Variants in IMPG1 observed in about 807,000 individuals in gnomAD.
IMPG1 encodes the protein interphotoreceptor matrix proteoglycan of 150 kDa.
In IMPG1, 85 loss-of-function variants were observed where a neutral mutation model predicts 92.0. The ratio of observed to expected loss-of-function variants is 0.92; its 90% CI spans 0.78 to 1.11. The LOEUF (loss-of-function observed/expected upper bound fraction) is 1.11, where lower values mean the gene tolerates loss of function less well. IMPG1 is among the 50% of genes least tolerant of loss of function. The pLI is 0.00. For missense variants in IMPG1, 1,022 were observed against 956.0 expected, an observed-to-expected ratio of 1.07 and a Z score of -0.91; for synonymous variants, 367 against 334.1, an observed-to-expected ratio of 1.10 and a Z score of -1.08.
chr6:76,045,718 G>A (rs927689876), intron 1 of IMPG1, among the ~76,000 whole-genome samples: 1 of 152,130 alleles, frequency 6.6e-6, no homozygotes, highest in Non-Finnish European at 1.5e-5. Context: ...AGTTGTTGGA[G>A]CTAATGAAAG....
intron 12 of IMPG1, among the ~76,000 whole-genome samples, chr6:75,989,443 T>C (rs12199203): frequency 0.028 from 4,294 of 152,286 alleles, 82 homozygotes; most frequent in Non-Finnish European, 0.042. Flanking sequence ...GACAAAATTA[T>C]TGCAAACTCT....
At chr6:75,930,904 G>T (rs1289919550) in intron 15 of IMPG1, 49 bp downstream of exon 15, 4 of 1,486,536 alleles carry the variant, frequency 2.7e-6, no homozygotes, top group Non-Finnish European at 2.8e-6. Context: ...TTTCTCAGAA[G>T]TGTAAGTAAT....
intron 12 of IMPG1, among the ~76,000 whole-genome samples, chr6:75,984,698 A>C (rs1782685127): frequency 6.6e-6 from 1 of 152,210 alleles, no homozygotes; most frequent in Non-Finnish European, 1.5e-5. Context: ...GTGAATCCCC[A>C]GTGTTGGAGT....
intron 12 of IMPG1, among the ~76,000 whole-genome samples, chr6:75,972,380 AC>A (rs1340933963): frequency 6.6e-6 from 1 of 151,994 alleles, no homozygotes; most frequent in East Asian, 1.9e-4. Flanking sequence ...TACCAAGAAC[AC>A]CCACGCCCAC....
chr6:76,039,774 G>A (rs1157197529), intron 2 of IMPG1, among the ~76,000 whole-genome samples: 1 of 152,168 alleles, frequency 6.6e-6, no homozygotes, highest in African/African-American at 2.4e-5. Flanking sequence ...ATTTGGCTGG[G>A]GCACAGAGTT....
intron 7 of IMPG1, among the ~76,000 whole-genome samples, chr6:76,012,914 C>T (rs569309094): frequency 3.3e-5 from 5 of 152,232 alleles, no homozygotes; most frequent in East Asian, 1.9e-4. Flanking sequence ...TTCTAGAAAG[C>T]GCAGCATCCC....
At chr6:76,014,477 C>T (rs750950270) in intron 7 of IMPG1, among the ~76,000 whole-genome samples, 5 of 152,144 alleles carry the variant, frequency 3.3e-5, no homozygotes, top group Admixed American at 1.3e-4. Flanking sequence ...CAAAGCTAGT[C>T]TTTATTCTGA....
rs1371835759 is a variant in IMPG1, at chr6:76,013,112, T to C, written c.808-1888A>G. 2.0e-5 allele frequency among the ~76,000 whole-genome samples: 3 copies of C among 152,196 alleles called. No individual in the cohort carries two copies. In the East Asian group the frequency reaches 5.8e-4, roughly 29 times the overall value. On this transcript the variant is annotated intron_variant, in intron 7 of 16. Transcript: ENST00000369950. ...GAGAAGAAATGGTTTTCTGGGTGTGTTGGGAGAGGAGGAAGGAGAAGGTAT... is the reference window on the plus strand; with the variant it reads ...GAGAAGAAATGGTTTTCTGGGTGTGCTGGGAGAGGAGGAAGGAGAAGGTAT...
chr6:75,969,087 G>A (rs1304809543), intron 12 of IMPG1, among the ~76,000 whole-genome samples: 1 of 152,124 alleles, frequency 6.6e-6, no homozygotes, highest in Non-Finnish European at 1.5e-5. Flanking sequence ...TCACTTATAT[G>A]TGGAATCTAC....
At chr6:75,979,761 C>A (rs1782597964) in intron 12 of IMPG1, among the ~76,000 whole-genome samples, 1 of 152,146 alleles carries the variant, frequency 6.6e-6, no homozygotes, top group African/African-American at 2.4e-5. Context: ...AGCAATTCTG[C>A]CAATTTAGCA....
intron 12 of IMPG1, among the ~76,000 whole-genome samples, chr6:75,957,514 G>A (rs891415057): frequency 6.6e-6 from 1 of 152,168 alleles, no homozygotes; most frequent in East Asian, 1.9e-4. Context: ...GGGTGTTAAA[G>A]TCTCCCATTA....
intron 12 of IMPG1, among the ~76,000 whole-genome samples, chr6:75,972,851 G>A (rs1235468417): frequency 6.6e-6 from 1 of 152,258 alleles, no homozygotes; most frequent in Middle Eastern, 3.4e-3. Flanking sequence ...TATCTTATTG[G>A]TATTGAGGCT....
In IMPG1 at chr6:75,936,643, G is replaced by A. The variant is rs78211813; in HGVS notation, c.2045-5492C>T. 6.0e-4 allele frequency among the ~76,000 whole-genome samples: 91 copies of A among 152,316 alleles called. 1 individual carries two copies. In the East Asian group the frequency reaches 0.016, roughly 27 times the overall value. On this transcript the variant is annotated intron_variant, in intron 14 of 16. Transcript: ENST00000369950. ...GACTCTCAATAATCCTTTTTTGTGT[G>A]AGTGGATGTGTGAATACCCACACAC...
At chr6:76,045,254 T>C (rs1214790684) in intron 1 of IMPG1, among the ~76,000 whole-genome samples, 1 of 152,184 alleles carries the variant, frequency 6.6e-6, no homozygotes, top group Admixed American at 6.5e-5. Context: ...ATGTACCATG[T>C]TCCACTTTTG....
At chr6:75,934,097 C>T (rs1344468260) in intron 14 of IMPG1, among the ~76,000 whole-genome samples, 1 of 152,120 alleles carries the variant, frequency 6.6e-6, no homozygotes, top group Non-Finnish European at 1.5e-5. Context: ...GCCCCCCCAC[C>T]CCACCACATC....
At position 75,965,849 on chromosome 6, in the gene IMPG1, T is replaced by C. The variant is rs137874700; in HGVS notation, c.1292-14755A>G. On this transcript the variant is annotated intron_variant, in intron 12 of 16. Coordinates refer to ENST00000369950, the MANE Select transcript of IMPG1 (RefSeq NM_001563.4). ...GTCTCGATCTCCTGACCTTGTGATC[T>C]GCCCGCCTTGGCCTCCCAAAGTGCT... Among the ~76,000 whole-genome samples the C allele has an allele frequency of 3.9e-3, 592 of 152,224 alleles. 2 individuals carry two copies. The highest frequency in any genetic ancestry group is 0.024 in the Middle Eastern group (7 of 294).
At chr6:75,949,894 A>G (rs1473940770) in intron 13 of IMPG1, among the ~76,000 whole-genome samples, 2 of 152,208 alleles carry the variant, frequency 1.3e-5, no homozygotes, top group African/African-American at 4.8e-5. Flanking sequence ...TCTGTGTGAT[A>G]TGTACAATTT....
chr6:75,996,692 A>T (rs1263893336), intron 12 of IMPG1, among the ~76,000 whole-genome samples: 3 of 152,202 alleles, frequency 2.0e-5, no homozygotes, highest in Non-Finnish European at 4.4e-5. Flanking sequence ...CCAGCAAAGG[A>T]TGTGACTGAC....
At chr6:75,977,129 A>G (rs1306022272) in intron 12 of IMPG1, among the ~76,000 whole-genome samples, 1 of 152,188 alleles carries the variant, frequency 6.6e-6, no homozygotes, top group Non-Finnish European at 1.5e-5. Flanking sequence ...CATACAATAA[A>G]TAATAGCTAG....
Sources: gnomAD v4.1 joint callset for allele counts (sites outside exome capture counted in the v4.1 genomes callset) on GRCh38, gnomAD v4.1.1 for gene constraint, MANE v1.5 for transcripts, NCBI Gene and HGNC (gene_info 2026-07-23, HGNC 2026-07-21) for gene names.